Variants in LEPR observed in about 807,000 individuals in gnomAD.
LEPR encodes OB receptor.
A neutral mutation model predicts 114.7 loss-of-function variants in LEPR; 56 were observed. The ratio of observed to expected loss-of-function variants is 0.49; its 90% CI spans 0.39 to 0.61. The LOEUF (loss-of-function observed/expected upper bound fraction) is 0.61, where lower values mean the gene tolerates loss of function less well. LEPR is among the 20% of genes least tolerant of loss of function. The pLI is 0.00. For missense variants in LEPR, 1,202 were observed against 1,352.9 expected (o/e 0.89, Z 1.75); for synonymous variants, 443 against 461.4 (o/e 0.96, Z 0.51).
rs150117458 is a variant in LEPR, at chr1:65,615,025, GT to G, written c.1996-974del. On this transcript the variant is annotated intron_variant, in intron 14 of 19. Coordinates refer to ENST00000349533, the MANE Select transcript of LEPR (RefSeq NM_002303.6). ...AAAAAGTATTCATTAAAACTGACAT[GT>G]TTTTTTTTCAAATAAAATGCAACAT... Among the ~76,000 whole-genome samples the G allele has an allele frequency of 4.7e-4, 71 of 150,852 alleles. No homozygotes were observed. In the East Asian group the frequency reaches 0.01, roughly 22 times the overall value.
At chr1:65,507,525 ATATATATGTGTG>A (rs1293149714) in intron 2 of LEPR, among the ~76,000 whole-genome samples, 1 of 107,414 alleles carries the variant, frequency 9.3e-6, no homozygotes. Context: ...ATATATGTGT[ATATATATGTGTG>A]TATATATATA....
intron 2 of LEPR, among the ~76,000 whole-genome samples, chr1:65,558,164 C>A (rs1156315973): frequency 6.6e-6 from 1 of 152,114 alleles, no homozygotes; most frequent in Non-Finnish European, 1.5e-5. Flanking sequence ...ATGAGAACAT[C>A]TTATATCAAG....
chr1:65,457,324 A>G (rs1646890616), intron 2 of LEPR, among the ~76,000 whole-genome samples: 1 of 152,110 alleles, frequency 6.6e-6, no homozygotes, highest in Admixed American at 6.5e-5. Flanking sequence ...CTGTATTCAT[A>G]TTATGCATAT....
intron 2 of LEPR, among the ~76,000 whole-genome samples, chr1:65,544,701 G>GT (rs1651519786): frequency 1.5e-5 from 1 of 67,590 alleles, no homozygotes; most frequent in African/African-American, 6.9e-5. Flanking sequence ...ACAATCATGC[G>GT]GTTTTTTTTT....
intron 3 of LEPR, among the ~76,000 whole-genome samples, chr1:65,568,501 A>AGTGTGTGT (rs35333524): frequency 1.3e-4 from 20 of 148,174 alleles, no homozygotes; most frequent in African/African-American, 4.5e-4. Context: ...ATGGTGTGTG[A>AGTGTGTGT]GTGTGTGTGT....
chr1:65,529,566 A>AGGGG (rs1650242001), intron 2 of LEPR, among the ~76,000 whole-genome samples: 1 of 67,320 alleles, frequency 1.5e-5, no homozygotes, highest in African/African-American at 5.8e-5. Flanking sequence ...GGAGGGAGGG[A>AGGGG]GGGAGGGAGG....
chr1:65,555,826 T>C (rs1406839566), intron 2 of LEPR, among the ~76,000 whole-genome samples: 1 of 152,180 alleles, frequency 6.6e-6, no homozygotes, highest in Admixed American at 6.5e-5. Flanking sequence ...CCTAGCCCAG[T>C]TCTAAGTATT....
chr1:65,421,888 G>T (rs1382056631), intron 1 of LEPR, among the ~76,000 whole-genome samples: 1 of 152,188 alleles, frequency 6.6e-6, no homozygotes, highest in East Asian at 1.9e-4. Context: ...GTCTGAAATG[G>T]AAACGGACTA....
At chr1:65,432,964 C>G (rs1008908854) in intron 2 of LEPR, 3 of 985,050 alleles carry the variant, frequency 3.0e-6, no homozygotes, top group East Asian at 1.1e-4. Context: ...AAAACATACT[C>G]TCTCCCCCAA....
At chr1:65,447,080 C>T (rs1359292595) in intron 2 of LEPR, among the ~76,000 whole-genome samples, 2 of 152,136 alleles carry the variant, frequency 1.3e-5, no homozygotes, top group East Asian at 1.9e-4. Flanking sequence ...GATCCACCTG[C>T]CTCAGCCTCC....
intron 3 of LEPR, among the ~76,000 whole-genome samples, chr1:65,566,939 T>C (rs769250258): frequency 1.2e-4 from 19 of 152,254 alleles, no homozygotes; most frequent in Non-Finnish European, 2.4e-4. Context: ...ATTCTCTTTT[T>C]ATATTCTCTA....
At chr1:65,482,113 A>G (rs964905832) in intron 2 of LEPR, among the ~76,000 whole-genome samples, 2 of 103,674 alleles carry the variant, frequency 1.9e-5, no homozygotes, top group African/African-American at 8.6e-5. Flanking sequence ...TACAATGGCA[A>G]TTTTACACAT....
chr1:65,427,201 A>C (rs1431653729), intron 2 of LEPR, among the ~76,000 whole-genome samples: 1 of 152,190 alleles, frequency 6.6e-6, no homozygotes, highest in Non-Finnish European at 1.5e-5. Flanking sequence ...TTTGGAATGT[A>C]ATACGGTATT....
intron 2 of LEPR, among the ~76,000 whole-genome samples, chr1:65,555,012 C>A (rs1260993265): frequency 6.6e-6 from 1 of 152,118 alleles, no homozygotes; most frequent in Non-Finnish European, 1.5e-5. Flanking sequence ...ACGCCCCATC[C>A]TGCTTCAGCT....
rs143474370 is a variant in LEPR at position 65,557,312 on chromosome 1, G to A, written c.-20-8234G>A. Among the ~76,000 whole-genome samples, 486 of 152,244 alleles carry A rather than the reference G, an allele frequency of 3.2e-3. 2 individuals carry two copies. Among genetic ancestry groups the A allele is most frequent in the African/African-American group, 0.011 (443 of 41,538 alleles). ...CAAATTAATGGTTCATCCTTAGGAA[G>A]TGTCTTCATATTAATGGTGTTTGGT... On this transcript the variant is annotated intron_variant, in intron 2 of 19. Transcript: ENST00000349533.
chr1:65,494,195 T>C (rs1236674840), intron 2 of LEPR: 1 of 152,210 alleles, frequency 6.6e-6, no homozygotes, highest in Non-Finnish European at 1.5e-5. Flanking sequence ...CTTCCTTTTG[T>C]TTGAAGTGGT....
At chr1:65,564,158 G>C (rs1337307710) in intron 2 of LEPR, among the ~76,000 whole-genome samples, 4 of 149,810 alleles carry the variant, frequency 2.7e-5, no homozygotes, top group Admixed American at 6.6e-5. Context: ...CAGCCTCGCT[G>C]CCGCCTTGCA....
intron 2 of LEPR, chr1:65,431,909 A>C: frequency 6.2e-7 from 1 of 1,613,954 alleles, no homozygotes; most frequent in Non-Finnish European, 8.5e-7. Context: ...TTTAGCTGGG[A>C]GCAGTGGTAG....
intron 2 of LEPR, among the ~76,000 whole-genome samples, chr1:65,457,311 CT>C (rs1646890273): frequency 6.6e-6 from 1 of 151,844 alleles, no homozygotes; most frequent in South Asian, 2.1e-4. Flanking sequence ...CTTTCTTCTC[CT>C]TCTGTATTCA....
Sources: allele counts gnomAD v4.1 joint callset (sites outside exome capture counted in the v4.1 genomes callset), GRCh38; gene constraint gnomAD v4.1.1; transcripts MANE v1.5; gene names NCBI Gene and HGNC (gene_info 2026-07-23, HGNC 2026-07-21).